AUTS2: variants seen among roughly 807,000 people sequenced by gnomAD.
The protein encoded by AUTS2 is activator of transcription and developmental regulator AUTS2, also known as autism susceptibility gene 2 protein.
A neutral mutation model predicts 112.4 loss-of-function variants in AUTS2; 17 were observed. The ratio of observed to expected loss-of-function variants is 0.15; its 90% CI spans 0.10 to 0.23. The LOEUF is 0.23. Among genes scored for constraint, AUTS2 ranks in the 10% least tolerant of loss-of-function variants. AUTS2 has a pLI of 1.00. For synonymous variants in AUTS2, 751 were observed against 702.7 expected, an observed-to-expected ratio of 1.07 and a Z score of -1.09; for missense variants, 1,510 against 1,701.6, an observed-to-expected ratio of 0.89 and a Z score of 1.98.
intron 2 of AUTS2, among the ~76,000 whole-genome samples, chr7:69,984,684 C>T (rs1798435189): frequency 6.6e-6 from 1 of 152,150 alleles, no homozygotes; most frequent in Admixed American, 6.5e-5. Context: ...CTCTAGAAAT[C>T]CTTTCCCTGT....
intron 4 of AUTS2, among the ~76,000 whole-genome samples, chr7:70,352,817 C>T (rs1282099715): frequency 6.6e-6 from 1 of 152,056 alleles, no homozygotes; most frequent in African/African-American, 2.4e-5. Flanking sequence ...GGGGTAGGAC[C>T]TACTTTAGGT....
At chr7:70,372,383 A>G (rs1168921475) in intron 4 of AUTS2, among the ~76,000 whole-genome samples, 1 of 152,224 alleles carries the variant, frequency 6.6e-6, no homozygotes, top group Non-Finnish European at 1.5e-5. Flanking sequence ...TGGAACTGCT[A>G]AAAAGATGTG....
intron 2 of AUTS2, among the ~76,000 whole-genome samples, chr7:69,979,428 T>TGA (rs1798202072): frequency 6.6e-6 from 1 of 152,224 alleles, no homozygotes; most frequent in Admixed American, 6.5e-5. Flanking sequence ...CCCTTAAGGA[T>TGA]GAGCAACAAC....
chr7:70,469,197 G>C lies in AUTS2; in HGVS notation c.690+33416G>C, dbSNP rs577900747. Among the ~76,000 whole-genome samples the C allele has an allele frequency of 5.3e-5, 8 of 152,328 alleles. No individual in the cohort carries two copies. The South Asian group carries it at 6.2e-4, about 12-fold the overall frequency. On this transcript the variant is annotated intron_variant, in intron 5 of 18. Transcript: ENST00000342771. ...AGCTACTTCTGGGTTGATTCTCCTA[G>C]TATGGATGGTAAGCAATGAAGAAAT... is the stretch of plus-strand genomic sequence containing the variant.
chr7:70,041,024 G>A (rs781104829), intron 2 of AUTS2, among the ~76,000 whole-genome samples: 33 of 152,306 alleles, frequency 2.2e-4, no homozygotes, highest in Non-Finnish European at 3.5e-4. Flanking sequence ...CCATGTGTAA[G>A]TATAGAGTGA....
intron 5 of AUTS2, among the ~76,000 whole-genome samples, chr7:70,603,308 T>A (rs1050910008): frequency 6.6e-6 from 1 of 152,180 alleles, no homozygotes; most frequent in Non-Finnish European, 1.5e-5. Context: ...CATAAAAATG[T>A]CTTCACCCAC....
At chr7:70,021,749 A>G (rs1800284572) in intron 2 of AUTS2, among the ~76,000 whole-genome samples, 1 of 152,048 alleles carries the variant, frequency 6.6e-6, no homozygotes, top group South Asian at 2.1e-4. Context: ...ATTCTGTTGA[A>G]TTTGTTCAAA....
intron 2 of AUTS2, among the ~76,000 whole-genome samples, chr7:69,976,170 C>G (rs1010350656): frequency 2.0e-5 from 3 of 152,236 alleles, no homozygotes; most frequent in African/African-American, 7.2e-5. Flanking sequence ...CCTTGCTCCT[C>G]TCAGCCCCTG....
intron 6 of AUTS2, among the ~76,000 whole-genome samples, chr7:70,717,267 A>G (rs1052086609): frequency 1.3e-5 from 2 of 152,074 alleles, no homozygotes; most frequent in African/African-American, 4.8e-5. Context: ...GCTAGTCTGG[A>G]ACTCCTGGCC....
chr7:70,379,031 T>G (rs1793246100), intron 4 of AUTS2, among the ~76,000 whole-genome samples: 1 of 152,204 alleles, frequency 6.6e-6, no homozygotes. Context: ...GCACTGCTGT[T>G]ATGAATTTCA....
At chr7:70,242,735 G>A (rs1432275108) in intron 4 of AUTS2, among the ~76,000 whole-genome samples, 1 of 152,040 alleles carries the variant, frequency 6.6e-6, no homozygotes, top group Non-Finnish European at 1.5e-5. Context: ...GTGTGTGCAC[G>A]TGCGCACATG....
intron 4 of AUTS2, among the ~76,000 whole-genome samples, chr7:70,144,906 C>T (rs1387366010): frequency 1.3e-5 from 2 of 152,124 alleles, no homozygotes; most frequent in South Asian, 2.1e-4. Flanking sequence ...GTCTTAAGAA[C>T]GAGCCTTTAT....
chr7:69,992,779 G>A (rs987911886), intron 2 of AUTS2, among the ~76,000 whole-genome samples: 1 of 152,146 alleles, frequency 6.6e-6, no homozygotes, highest in African/African-American at 2.4e-5. Context: ...CAGCTACTTA[G>A]GAGGCTGTGG....
At chr7:70,609,962 G>GTTA (rs1453001056) in intron 5 of AUTS2, among the ~76,000 whole-genome samples, 45 of 21,680 alleles carry the variant, frequency 2.1e-3, no homozygotes, top group African/African-American at 7.2e-3. Flanking sequence ...TCTGTTTTTT[G>GTTA]TTGTTGTTGT....
chr7:69,781,898 A>C (rs1012292286), intron 1 of AUTS2, among the ~76,000 whole-genome samples: 1 of 152,196 alleles, frequency 6.6e-6, no homozygotes, highest in African/African-American at 2.4e-5. Context: ...CCTAGAGTAA[A>C]GCCCTAAACA....
At chr7:70,119,983 G>A (rs952458458) in intron 3 of AUTS2, 4 of 151,924 alleles carry the variant, frequency 2.6e-5, no homozygotes, top group African/African-American at 7.3e-5. Flanking sequence ...TCAGTTTAAC[G>A]AGCGGGGAAT....
intron 6 of AUTS2, among the ~76,000 whole-genome samples, chr7:70,748,713 G>A (rs941108518): frequency 9.2e-5 from 14 of 152,216 alleles, no homozygotes; most frequent in African/African-American, 3.4e-4. Flanking sequence ...CAGAGGCCCT[G>A]TAGCCCAGTC....
intron 4 of AUTS2, among the ~76,000 whole-genome samples, chr7:70,298,962 A>G (rs1050800966): frequency 1.3e-5 from 2 of 152,240 alleles, no homozygotes; most frequent in African/African-American, 4.8e-5. Flanking sequence ...ACACAGACAC[A>G]CACTTTGCTA....
chr7:70,701,276 G>A (rs1013953530), intron 6 of AUTS2, among the ~76,000 whole-genome samples: 8 of 152,322 alleles, frequency 5.3e-5, no homozygotes, highest in Middle Eastern at 3.4e-3. Flanking sequence ...CCTGATGTTG[G>A]GCTGCACAGT....
Sources: allele counts gnomAD v4.1 joint callset (sites outside exome capture counted in the v4.1 genomes callset), GRCh38; gene constraint gnomAD v4.1.1; transcripts MANE v1.5; gene names NCBI Gene and HGNC (gene_info 2026-07-23, HGNC 2026-07-21).